Variants in BMP6 observed in about 807,000 individuals in gnomAD.
The protein encoded by BMP6 is bone morphogenetic protein 6.
Under a neutral mutation model 54.1 loss-of-function variants are expected in BMP6, and 17 were observed. The ratio of observed to expected loss-of-function variants is 0.31; its 90% CI spans 0.22 to 0.47. BMP6 has a LOEUF of 0.47. Ranked by LOEUF, BMP6 falls within the 20% of genes least tolerant of loss-of-function variation. The pLI is 1.00. For synonymous variants in BMP6, 328 were observed against 291.2 expected, an observed-to-expected ratio of 1.13 and a Z score of -1.28; for missense variants, 720 against 690.4, an observed-to-expected ratio of 1.04 and a Z score of -0.48.
At chr6:7,870,277 T>C (rs1759501461) in intron 4 of BMP6, among the ~76,000 whole-genome samples, 1 of 152,212 alleles carries the variant, frequency 6.6e-6, no homozygotes, top group African/African-American at 2.4e-5. Context: ...CGGTCTCTTA[T>C]GGTAGAAAAT....
chr6:7,806,219 A>G (rs1340893914), intron 1 of BMP6, among the ~76,000 whole-genome samples: 1 of 152,232 alleles, frequency 6.6e-6, no homozygotes, highest in South Asian at 2.1e-4. Flanking sequence ...CACATAGCAG[A>G]TCAGGGTCTT....
intron 1 of BMP6, among the ~76,000 whole-genome samples, chr6:7,781,256 G>A (rs1413259648): frequency 2.0e-5 from 3 of 152,134 alleles, no homozygotes; most frequent in East Asian, 3.8e-4. Flanking sequence ...TACAGATAAG[G>A]AAGCCAAGGC....
intron 1 of BMP6, among the ~76,000 whole-genome samples, chr6:7,784,432 C>T (rs1757993371): frequency 6.9e-6 from 1 of 144,114 alleles, no homozygotes; most frequent in African/African-American, 2.7e-5. Flanking sequence ...TGTGTGTAGG[C>T]GTCTGAGTGT....
At chr6:7,861,741 G>A (rs1327315982) in intron 3 of BMP6, 142 bp downstream of exon 3, 1 of 1,283,528 alleles carries the variant, frequency 7.8e-7, no homozygotes, top group Admixed American at 2.3e-5. Context: ...CCCATGACTT[G>A]CATTGAGAAC....
At chr6:7,866,206 G>A (rs1759421698) in intron 4 of BMP6, among the ~76,000 whole-genome samples, 1 of 152,214 alleles carries the variant, frequency 6.6e-6, no homozygotes, top group African/African-American at 2.4e-5. Flanking sequence ...CTTCTCCAGG[G>A]GCTTGGATAG....
intron 4 of BMP6, among the ~76,000 whole-genome samples, chr6:7,863,277 C>T (rs149156111): frequency 0.012 from 1,881 of 152,306 alleles, 39 homozygotes; most frequent in African/African-American, 0.041. Flanking sequence ...GGATTACAGG[C>T]ATGAGCCACT....
chr6:7,770,748 GGAA>G (rs1365680108), intron 1 of BMP6, among the ~76,000 whole-genome samples: 1 of 152,186 alleles, frequency 6.6e-6, no homozygotes, highest in African/African-American at 2.4e-5. Flanking sequence ...AAGGGGGCTG[GGAA>G]ATCTGTGCAG....
chr6:7,763,036 C>A (rs1175846609), intron 1 of BMP6, among the ~76,000 whole-genome samples: 2 of 152,262 alleles, frequency 1.3e-5, no homozygotes, highest in East Asian at 3.8e-4. Flanking sequence ...CCTGTAAACT[C>A]CTATGCGCCT....
chr6:7,856,888 G>T (rs960003234), intron 2 of BMP6, among the ~76,000 whole-genome samples: 5 of 152,044 alleles, frequency 3.3e-5, no homozygotes, highest in Admixed American at 1.3e-4. Flanking sequence ...GAGCCACCGC[G>T]CCCGGCCTCA....
intron 1 of BMP6, among the ~76,000 whole-genome samples, chr6:7,778,170 C>T (rs1008425283): frequency 1.3e-5 from 2 of 151,986 alleles, no homozygotes; most frequent in African/African-American, 2.4e-5. Context: ...TCATAAAAGG[C>T]GTGACGTATC....
At chr6:7,744,811 C>T (rs77692337) in intron 1 of BMP6, among the ~76,000 whole-genome samples, 1 of 152,282 alleles carries the variant, frequency 6.6e-6, no homozygotes, top group African/African-American at 2.4e-5. Flanking sequence ...CAGATCTGTT[C>T]TCTGATTCTC....
At position 7,811,492 on chromosome 6, in the gene BMP6, G is replaced by C. The variant is rs542479493; in HGVS notation, c.665-33648G>C. Among the ~76,000 whole-genome samples, 4 of 152,282 alleles carry C rather than the reference G, an allele frequency of 2.6e-5. No individual in the cohort carries two copies. In the South Asian group the frequency reaches 8.3e-4, roughly 32 times the overall value. On this transcript the variant is annotated intron_variant, in intron 1 of 6. Coordinates refer to ENST00000283147, the MANE Select transcript of BMP6 (RefSeq NM_001718.6). Reference sequence around the variant, plus strand: ...CTGGTTGCTATGGGGTTGAGCCCCAGTTCGGGCAAATGTATGTTCCCGGAG... The same window carrying C: ...CTGGTTGCTATGGGGTTGAGCCCCACTTCGGGCAAATGTATGTTCCCGGAG...
intron 1 of BMP6, among the ~76,000 whole-genome samples, chr6:7,806,696 T>C (rs1395356429): frequency 6.6e-6 from 1 of 152,234 alleles, no homozygotes; most frequent in Non-Finnish European, 1.5e-5. Context: ...TAGTTATCTT[T>C]TTCTTTTCTT....
At chr6:7,736,959 C>T (rs534543245) in intron 1 of BMP6, among the ~76,000 whole-genome samples, 7 of 152,068 alleles carry the variant, frequency 4.6e-5, no homozygotes, top group East Asian at 3.9e-4. Context: ...AGGCCGAGGA[C>T]GGTGGATCAC....
At chr6:7,817,024 A>G (rs1758539033) in intron 1 of BMP6, among the ~76,000 whole-genome samples, 1 of 152,222 alleles carries the variant, frequency 6.6e-6, no homozygotes, top group Admixed American at 6.5e-5. Flanking sequence ...AAACAAAGGC[A>G]AACAAAGATA....
chr6:7,726,585 G>C lies in BMP6; in HGVS notation c.-371G>C, dbSNP rs1188401920. On this transcript the variant is annotated 5_prime_UTR_variant, in exon 1 of 7. Transcript: ENST00000283147. Reference sequence around the variant, plus strand: ...AGAGCGCGGGGCAGCGCACGTGTGCGGCCAGCGAGGCCCAGAGTGACCGCG... The same window carrying C: ...AGAGCGCGGGGCAGCGCACGTGTGCCGCCAGCGAGGCCCAGAGTGACCGCG... Among the ~76,000 whole-genome samples, 1 of 152,146 alleles carries C rather than the reference G, an allele frequency of 6.6e-6. No individual in the cohort carries two copies. Among genetic ancestry groups the C allele is most frequent in the Non-Finnish European group, 1.5e-5 (1 of 68,018 alleles).
intron 4 of BMP6, among the ~76,000 whole-genome samples, chr6:7,868,526 G>A (rs889473084): frequency 6.6e-6 from 1 of 152,236 alleles, no homozygotes; most frequent in African/African-American, 2.4e-5. Context: ...TGGAAAGAGC[G>A]GCCAGGCCCA....
chr6:7,860,470 A>T (rs772950407), intron 2 of BMP6, among the ~76,000 whole-genome samples: 12 of 152,182 alleles, frequency 7.9e-5, no homozygotes, highest in Admixed American at 2.0e-4. Context: ...AAAGATGACC[A>T]TCTCCTGGCA....
chr6:7,867,183 G>T (rs1239396146), intron 4 of BMP6, among the ~76,000 whole-genome samples: 1 of 152,086 alleles, frequency 6.6e-6, no homozygotes, highest in African/African-American at 2.4e-5. Context: ...GCATTTTGTA[G>T]AGTAAGTTCT....
Sources: gnomAD v4.1 joint callset for allele counts (sites outside exome capture counted in the v4.1 genomes callset) on GRCh38, gnomAD v4.1.1 for gene constraint, MANE v1.5 for transcripts, NCBI Gene and HGNC (gene_info 2026-07-23, HGNC 2026-07-21) for gene names.